JAZF1: variants seen among roughly 807,000 people sequenced by gnomAD.
JAZF1 encodes juxtaposed with another zinc finger protein 1.
In JAZF1, 8 loss-of-function variants were observed where a neutral mutation model predicts 26.4. The ratio of observed to expected loss-of-function variants is 0.30; its 90% CI spans 0.18 to 0.55. JAZF1 has a LOEUF of 0.55. Ranked by LOEUF, JAZF1 falls within the 20% of genes least tolerant of loss-of-function variation. JAZF1 has a pLI of 0.94. For synonymous variants in JAZF1, 126 were observed against 122.3 expected, an observed-to-expected ratio of 1.03 and a Z score of -0.20; for missense variants, 199 against 322.0, an observed-to-expected ratio of 0.62 and a Z score of 2.92.
At chr7:27,998,071 A>AAGGAAGGCAGGCAGGCAGGCAGGC (rs10691690) in intron 1 of JAZF1, among the ~76,000 whole-genome samples, 46 of 111,600 alleles carry the variant, frequency 4.1e-4, no homozygotes, top group Non-Finnish European at 5.6e-4. Flanking sequence ...GGAAGGAAGG[A>AAGGAAGGCAGGCAGGCAGGCAGGC]AGGCAGGCAG....
In JAZF1 at chr7:28,180,666, A is replaced by T; in HGVS notation, c.-89T>A. The T allele has an allele frequency of 2.1e-4, 28 of 133,948 alleles. No homozygotes were observed. The highest frequency in any genetic ancestry group is 3.0e-4 in the Non-Finnish European group (21 of 69,404). 8.3% of individuals were successfully genotyped at this position (133,948 alleles called of 1,614,324 possible). ...GGAGGCCGGGTGGGGTGAGGAGAGG[A>T]GGGGCTGGGGGAGGGGGAGAGAGGC... On this transcript the variant is annotated 5_prime_UTR_variant, in exon 1 of 5. Transcript: ENST00000283928.
chr7:27,882,866 AAT>A (rs1783796200), intron 3 of JAZF1, among the ~76,000 whole-genome samples: 1 of 152,118 alleles, frequency 6.6e-6, no homozygotes. Flanking sequence ...TGTCTTTGGA[AAT>A]ATATGAGTTT....
intron 2 of JAZF1, among the ~76,000 whole-genome samples, chr7:27,981,141 T>A (rs1785576145): frequency 6.6e-6 from 1 of 152,254 alleles, no homozygotes; most frequent in Non-Finnish European, 1.5e-5. Flanking sequence ...TATACATGTC[T>A]ACTTCTCTCC....
chr7:28,044,427 C>T (rs1303380225), intron 1 of JAZF1, among the ~76,000 whole-genome samples: 2 of 152,110 alleles, frequency 1.3e-5, no homozygotes, highest in Non-Finnish European at 2.9e-5. Context: ...TGGGATGCTG[C>T]AGTTCCTATG....
At chr7:27,982,692 A>T (rs1338847270) in intron 2 of JAZF1, among the ~76,000 whole-genome samples, 1 of 152,122 alleles carries the variant, frequency 6.6e-6, no homozygotes, top group East Asian at 1.9e-4. Context: ...TAACTGGGAG[A>T]CACCTCCCAG....
intron 1 of JAZF1, among the ~76,000 whole-genome samples, chr7:28,032,445 GA>G (rs555591143): frequency 1.3e-5 from 2 of 151,920 alleles, no homozygotes; most frequent in African/African-American, 4.8e-5. Context: ...GAATTAAAGA[GA>G]AAAAAAATGG....
At chr7:28,087,516 G>A (rs1784229798) in intron 1 of JAZF1, among the ~76,000 whole-genome samples, 1 of 152,008 alleles carries the variant, frequency 6.6e-6, no homozygotes, top group Non-Finnish European at 1.5e-5. Flanking sequence ...GAGTAGTGCA[G>A]CATTAATTCA....
At chr7:27,953,528 T>C (rs1020474780) in intron 2 of JAZF1, among the ~76,000 whole-genome samples, 1 of 152,166 alleles carries the variant, frequency 6.6e-6, no homozygotes, top group African/African-American at 2.4e-5. Flanking sequence ...GAGAGGGCAG[T>C]AGGCTTCAAA....
intron 1 of JAZF1, among the ~76,000 whole-genome samples, chr7:28,146,485 G>T (rs1268815703): frequency 1.3e-5 from 2 of 152,296 alleles, no homozygotes; most frequent in African/African-American, 4.8e-5. Flanking sequence ...ATTAAGTACT[G>T]TAAGTACTAA....
intron 2 of JAZF1, among the ~76,000 whole-genome samples, chr7:27,958,611 A>T (rs560709853): frequency 2.0e-5 from 3 of 152,200 alleles, no homozygotes; most frequent in Non-Finnish European, 4.4e-5. Flanking sequence ...ACATGGCTCC[A>T]AGCCCAAAGC....
chr7:27,861,517 C>G (rs1395708340), intron 3 of JAZF1, among the ~76,000 whole-genome samples: 1 of 150,828 alleles, frequency 6.6e-6, no homozygotes, highest in Non-Finnish European at 1.5e-5. Flanking sequence ...TCTGCCATCA[C>G]CTGTTTTAAT....
At chr7:27,988,587 C>CATAT (rs1562550916) in intron 2 of JAZF1, among the ~76,000 whole-genome samples, 1 of 152,104 alleles carries the variant, frequency 6.6e-6, no homozygotes, top group African/African-American at 2.4e-5. Context: ...TGAAGTTACA[C>CATAT]ATATGTACAC....
At chr7:28,093,476 T>C (rs1326906652) in intron 1 of JAZF1, among the ~76,000 whole-genome samples, 1 of 152,186 alleles carries the variant, frequency 6.6e-6, no homozygotes, top group African/African-American at 2.4e-5. Flanking sequence ...ATCAGCAGCG[T>C]TATCAGCAGC....
intron 1 of JAZF1, among the ~76,000 whole-genome samples, chr7:28,143,570 G>A (rs931547534): frequency 1.1e-4 from 16 of 152,246 alleles, no homozygotes; most frequent in Middle Eastern, 3.4e-3. Flanking sequence ...CAGTATTCAC[G>A]GAAGGAATTA....
chr7:27,968,477 T>A (rs1225141797), intron 2 of JAZF1, among the ~76,000 whole-genome samples: 1 of 152,196 alleles, frequency 6.6e-6, no homozygotes, highest in Non-Finnish European at 1.5e-5. Context: ...ATTGCAGGGC[T>A]TACCACAGTT....
chr7:28,057,747 A>G (rs1308982785), intron 1 of JAZF1, among the ~76,000 whole-genome samples: 4 of 152,156 alleles, frequency 2.6e-5, no homozygotes. Context: ...TTGGCCCCAA[A>G]TTTTGTTCAA....
At chr7:28,076,116 C>T (rs780258171) in intron 1 of JAZF1, among the ~76,000 whole-genome samples, 4 of 152,184 alleles carry the variant, frequency 2.6e-5, no homozygotes, top group Non-Finnish European at 5.9e-5. Flanking sequence ...ATTAAAACTG[C>T]TCTAATTGCA....
chr7:28,172,793 G>A (rs1783491372), intron 1 of JAZF1, among the ~76,000 whole-genome samples: 1 of 152,110 alleles, frequency 6.6e-6, no homozygotes, highest in Admixed American at 6.5e-5. Context: ...GCGATCCTAT[G>A]AAGCAACTTC....
At chr7:28,020,517 C>G (rs1345331573) in intron 1 of JAZF1, 2 of 469,708 alleles carry the variant, frequency 4.3e-6, no homozygotes, top group Non-Finnish European at 8.8e-6. Context: ...TGATCCCATA[C>G]TGACATCTTG....
Sources: gnomAD v4.1 joint callset for allele counts (sites outside exome capture counted in the v4.1 genomes callset) on GRCh38, gnomAD v4.1.1 for gene constraint, MANE v1.5 for transcripts, NCBI Gene and HGNC (gene_info 2026-07-23, HGNC 2026-07-21) for gene names.